PPP1R12A: variants seen among roughly 807,000 people sequenced by gnomAD.
PPP1R12A encodes myosin binding subunit.
PPP1R12A carries 19 observed loss-of-function variants against 139.6 expected under a neutral mutation model. The ratio of observed to expected loss-of-function variants is 0.14; its 90% CI spans 0.09 to 0.20. The LOEUF is 0.20. Among genes scored for constraint, PPP1R12A ranks in the 10% least tolerant of loss-of-function variants. PPP1R12A has a pLI of 1.00. For missense variants in PPP1R12A, 925 were observed against 1,211.5 expected (o/e 0.76, Z 3.51); for synonymous variants, 427 against 420.6 (o/e 1.02, Z -0.19).
intron 1 of PPP1R12A, among the ~76,000 whole-genome samples, chr12:79,874,390 C>T (rs935753047): frequency 2.0e-5 from 3 of 151,750 alleles, no homozygotes; most frequent in African/African-American, 4.8e-5. Context: ...ATGGGTAAAT[C>T]GCTATTATTT....
At chr12:79,918,982 G>T (rs1351871226) in intron 1 of PPP1R12A, among the ~76,000 whole-genome samples, 1 of 151,956 alleles carries the variant, frequency 6.6e-6, no homozygotes, top group African/African-American at 2.4e-5. Flanking sequence ...TAGGCGTGGT[G>T]GCATGCGCCT....
chr12:79,813,189 C>T (rs1016116150), intron 9 of PPP1R12A, among the ~76,000 whole-genome samples: 20 of 152,104 alleles, frequency 1.3e-4, no homozygotes, highest in East Asian at 1.9e-4. Flanking sequence ...TATATATGCA[C>T]CCTATAAATC....
intron 2 of PPP1R12A, among the ~76,000 whole-genome samples, chr12:79,863,967 C>G (rs1881669958): frequency 6.6e-6 from 1 of 152,128 alleles, no homozygotes; most frequent in African/African-American, 2.4e-5. Context: ...AGGACTTGAA[C>G]TCAGCTCTGG....
At chr12:79,817,764 T>A (rs1875587961) in intron 8 of PPP1R12A, among the ~76,000 whole-genome samples, 1 of 152,100 alleles carries the variant, frequency 6.6e-6, no homozygotes, top group African/African-American at 2.4e-5. Context: ...AATGCACAAA[T>A]AGAATCTGAC....
chr12:79,864,155 C>T (rs967167231), intron 2 of PPP1R12A, among the ~76,000 whole-genome samples: 3 of 152,276 alleles, frequency 2.0e-5, no homozygotes, highest in South Asian at 2.1e-4. Context: ...GACCACAGTG[C>T]AATCAAATTA....
intron 2 of PPP1R12A, among the ~76,000 whole-genome samples, chr12:79,870,548 A>T (rs1044933968): frequency 6.6e-6 from 1 of 152,240 alleles, no homozygotes; most frequent in Non-Finnish European, 1.5e-5. Context: ...TTGTGGCAGA[A>T]AGAATAAAAA....
chr12:79,888,976 A>T (rs1430620240), intron 1 of PPP1R12A, among the ~76,000 whole-genome samples: 1 of 152,222 alleles, frequency 6.6e-6, no homozygotes, highest in Non-Finnish European at 1.5e-5. Flanking sequence ...CTGCAGATAC[A>T]ATCACATGTG....
intron 1 of PPP1R12A, among the ~76,000 whole-genome samples, chr12:79,891,048 GA>G (rs1005677042): frequency 6.7e-6 from 1 of 149,762 alleles, no homozygotes; most frequent in Non-Finnish European, 1.5e-5. Context: ...GACATGGAAA[GA>G]AAAAAAAAGT....
rs1381321060 is a variant in PPP1R12A, at chr12:79,890,891, CCACCCACACCCACCCACACACACACACA to C, written c.238-17981_238-17954del. Among the ~76,000 whole-genome samples the C allele has an allele frequency of 5.0e-5, 5 of 99,600 alleles. No homozygotes were observed. The East Asian group carries it at 8.7e-4, about 17-fold the overall frequency. 65.3% of individuals were successfully genotyped at this position (99,600 alleles called of 152,430 possible). A position where few individuals can be genotyped will look rare whatever the true frequency, so the allele number is the denominator to read the frequency against. On this transcript the variant is annotated intron_variant, in intron 1 of 24. Transcript: ENST00000450142. ...AACCTCAAGAATACACACACACCAC[CCACCCACACCCACCCACACACACACACA>C]CACACACACACACACACACACACAT...
At chr12:79,866,610 T>A (rs1881990705) in intron 2 of PPP1R12A, among the ~76,000 whole-genome samples, 1 of 151,564 alleles carries the variant, frequency 6.6e-6, no homozygotes, top group African/African-American at 2.4e-5. Flanking sequence ...TACAAAGAAC[T>A]TAAATTTACA....
At chr12:79,813,164 T>C (rs1874824840) in intron 9 of PPP1R12A, among the ~76,000 whole-genome samples, 1 of 152,222 alleles carries the variant, frequency 6.6e-6, no homozygotes. Context: ...AGCTCTACTT[T>C]TCCTGTTTAC....
chr12:79,860,264 A>G (rs1881169849), intron 2 of PPP1R12A, among the ~76,000 whole-genome samples: 1 of 152,256 alleles, frequency 6.6e-6, no homozygotes, highest in Non-Finnish European at 1.5e-5. Flanking sequence ...ATTCATATAC[A>G]AAATATTTTA....
rs1234694995 is a variant in PPP1R12A at position 79,773,790 on chromosome 12, T to C, written c.*2139A>G. The C allele has an allele frequency of 6.6e-6, 1 of 152,198 alleles. No individual in the cohort carries two copies. The highest frequency in any genetic ancestry group is 1.5e-5 in the Non-Finnish European group (1 of 68,012). The allele number at this position is 152,198 out of a possible 1,614,324, so 9.4% of individuals were successfully genotyped here. ...GAATTTAAATATCTCAGAACAAAAT[T>C]TAAAATGTCTTCATTAAAAGTTCAC... is the stretch of plus-strand genomic sequence containing the variant. On this transcript the variant is annotated 3_prime_UTR_variant, in exon 25 of 25. Transcript: ENST00000450142.
At chr12:79,915,127 C>T (rs868658312) in intron 1 of PPP1R12A, among the ~76,000 whole-genome samples, 2 of 151,958 alleles carry the variant, frequency 1.3e-5, no homozygotes, top group African/African-American at 4.8e-5. Context: ...AAAATTGATT[C>T]CTTTTTGTTT....
intron 1 of PPP1R12A, among the ~76,000 whole-genome samples, chr12:79,880,129 G>A (rs562063486): frequency 3.9e-5 from 6 of 151,900 alleles, no homozygotes; most frequent in African/African-American, 1.2e-4. Flanking sequence ...TGCCAAGATC[G>A]TATGAAAAAG....
rs547764373 is a variant in PPP1R12A at position 79,894,142 on chromosome 12, T to C, written c.238-21204A>G. On this transcript the variant is annotated intron_variant, in intron 1 of 24. Coordinates refer to ENST00000450142, the MANE Select transcript of PPP1R12A (RefSeq NM_002480.3). ...AGTGACATAACATAATGAGACTGCT[T>C]TTAAGTTTCCTTTAAAAAATTACAT... 7.9e-5 allele frequency among the ~76,000 whole-genome samples: 12 copies of C among 152,304 alleles called. No individual in the cohort carries two copies. In the East Asian group the frequency reaches 2.3e-3, roughly 29 times the overall value.
At position 79,905,347 on chromosome 12, in the gene PPP1R12A, C is replaced by CCT. The variant is rs1046166638; in HGVS notation, c.237+29347_237+29348insAG. On this transcript the variant is annotated intron_variant, in intron 1 of 24. Coordinates refer to ENST00000450142, the MANE Select transcript of PPP1R12A (RefSeq NM_002480.3). ...GAATGTTTTGTTTTGCCGCCCCCCC[C>CCT]CACCCCTTTTTTTTTGAAGGAGAGG... 7.9e-5 allele frequency among the ~76,000 whole-genome samples: 9 copies of CCT among 113,714 alleles called. 1 individual carries two copies. The East Asian group carries it at 2.6e-3, about 33-fold the overall frequency. 74.6% of individuals were successfully genotyped at this position (113,714 alleles called of 152,430 possible).
intron 1 of PPP1R12A, among the ~76,000 whole-genome samples, chr12:79,894,782 G>C (rs951759773): frequency 2.6e-5 from 4 of 152,084 alleles, no homozygotes; most frequent in African/African-American, 9.7e-5. Context: ...ACACTCTGCT[G>C]TTACACAACA....
chr12:79,873,376 G>A (rs1306785129), intron 1 of PPP1R12A, among the ~76,000 whole-genome samples: 1 of 151,612 alleles, frequency 6.6e-6, no homozygotes, highest in Non-Finnish European at 1.5e-5. Flanking sequence ...ACATGTACAC[G>A]TGATGGTATA....
Sources: gnomAD v4.1 joint callset for allele counts (sites outside exome capture counted in the v4.1 genomes callset) on GRCh38, gnomAD v4.1.1 for gene constraint, MANE v1.5 for transcripts, NCBI Gene and HGNC (gene_info 2026-07-23, HGNC 2026-07-21) for gene names.